The following ESR1 variants were observed in gnomAD, a reference collection of about 807,000 sequenced individuals.
ESR1 encodes estrogen receptor.
In ESR1, 12 loss-of-function variants were observed where a neutral mutation model predicts 52.7. That is an observed-to-expected ratio of 0.23 (90% CI 0.15 to 0.37). ESR1 has a LOEUF of 0.37. Ranked by LOEUF, ESR1 falls within the 10% of genes least tolerant of loss-of-function variation. The pLI is 1.00. For missense variants in ESR1, 584 were observed against 779.7 expected (o/e 0.75, Z 2.99); for synonymous variants, 305 against 316.8 (o/e 0.96, Z 0.39).
At chr6:151,862,412 C>T (rs1479162040) in intron 2 of ESR1, among the ~76,000 whole-genome samples, 1 of 152,084 alleles carries the variant, frequency 6.6e-6, no homozygotes, top group Non-Finnish European at 1.5e-5. Flanking sequence ...TGGAGTTAGT[C>T]CTGGTTGCCA....
intron 2 of ESR1, among the ~76,000 whole-genome samples, chr6:151,774,592 T>C (rs971469206): frequency 3.3e-5 from 5 of 152,224 alleles, no homozygotes; most frequent in African/African-American, 1.2e-4. Flanking sequence ...TGTTATTGCT[T>C]TTGTCCACCA....
intron 4 of ESR1, among the ~76,000 whole-genome samples, chr6:152,000,092 C>G (rs1002861969): frequency 1.1e-4 from 16 of 151,948 alleles, no homozygotes; most frequent in Non-Finnish European, 2.2e-4. Flanking sequence ...TTGTTGACCA[C>G]CCATATTTTC....
chr6:151,978,330 T>A (rs1421912570), intron 4 of ESR1, among the ~76,000 whole-genome samples: 1 of 152,088 alleles, frequency 6.6e-6, no homozygotes, highest in African/African-American at 2.4e-5. Flanking sequence ...AGAATTAAGC[T>A]TAGGGAGATA....
chr6:152,125,227 A>G, intron 6 of ESR1: 8 of 1,545,856 alleles, frequency 5.2e-6, no homozygotes, highest in Non-Finnish European at 5.2e-6. Flanking sequence ...GGTGATAGGA[A>G]TAATGGTAAT....
intron 1 of ESR1, among the ~76,000 whole-genome samples, chr6:151,693,995 C>T (rs55938739): frequency 2.8e-4 from 43 of 152,272 alleles, no homozygotes; most frequent in Non-Finnish European, 4.9e-4. Flanking sequence ...AACATATGTC[C>T]ACGAGGTGGT....
Position 152,099,166 on chromosome 6 carries a change from G to A in ESR1, c.*200G>A, listed in dbSNP as rs573024831. 3.3e-6 allele frequency: 2 copies of A among 615,050 alleles called. No homozygotes were observed. Among genetic ancestry groups the A allele is most frequent in the African/African-American group, 3.6e-5 (2 of 54,918 alleles). 38.1% of individuals were successfully genotyped at this position (615,050 alleles called of 1,614,324 possible). A position where few individuals can be genotyped will look rare whatever the true frequency, so the allele number is the denominator to read the frequency against. On this transcript the variant is annotated 3_prime_UTR_variant, in exon 8 of 8. Coordinates refer to ENST00000206249, the MANE Select transcript of ESR1 (RefSeq NM_000125.4). ...GTCTTCTGTTGGGAACAGCCAAAGG[G>A]ATTCCAAGGCTAAATCTTTGTAACA...
At chr6:151,778,124 C>T (rs1786189193) in intron 2 of ESR1, among the ~76,000 whole-genome samples, 1 of 152,116 alleles carries the variant, frequency 6.6e-6, no homozygotes, top group South Asian at 2.1e-4. Flanking sequence ...CACGACAGTC[C>T]TTGTTCTCAA....
At chr6:151,791,422 C>A (rs1033497108) in intron 2 of ESR1, among the ~76,000 whole-genome samples, 1 of 152,210 alleles carries the variant, frequency 6.6e-6, no homozygotes, top group African/African-American at 2.4e-5. Flanking sequence ...CCTTTGTCTT[C>A]TGCCATGATT....
intron 6 of ESR1, among the ~76,000 whole-genome samples, chr6:152,110,243 T>C (rs982065207): frequency 9.2e-5 from 14 of 152,220 alleles, no homozygotes; most frequent in African/African-American, 3.4e-4. Flanking sequence ...TATGGAATTT[T>C]ACTCAAGGAC....
At chr6:151,943,430 G>A in intron 3 of ESR1, among the ~76,000 whole-genome samples, 1 of 151,534 alleles carries the variant, frequency 6.6e-6, no homozygotes, top group Non-Finnish European at 1.5e-5. Flanking sequence ...CCTTTGGGGG[G>A]AAATTATCAA....
At chr6:151,935,531 G>T (rs1390311041) in intron 3 of ESR1, among the ~76,000 whole-genome samples, 1 of 152,154 alleles carries the variant, frequency 6.6e-6, no homozygotes, top group Non-Finnish European at 1.5e-5. Flanking sequence ...ATGCAGGTGG[G>T]GCCCAGGTCA....
intron 5 of ESR1, among the ~76,000 whole-genome samples, chr6:152,056,942 T>C (rs1458709263): frequency 6.6e-6 from 1 of 152,202 alleles, no homozygotes; most frequent in Non-Finnish European, 1.5e-5. Flanking sequence ...TCTTGTCTTT[T>C]ACAGTCATGT....
In ESR1 at chr6:151,669,105, C is replaced by T. The variant is rs558626671; in HGVS notation, n.73+12342C>T. On this transcript the variant is annotated intron_variant and non_coding_transcript_variant, in intron 1 of 2. Transcript: ENST00000473497. ...CAAGCTGTTGGCCAGAGCCGTGCTTCGGGGCGACTCACAACAGTGGTAGGA... is the reference window on the plus strand; with the variant it reads ...CAAGCTGTTGGCCAGAGCCGTGCTTTGGGGCGACTCACAACAGTGGTAGGA... Among the ~76,000 whole-genome samples the T allele has an allele frequency of 1.0e-4, 13 of 128,532 alleles. No homozygotes were observed. In the South Asian group the frequency reaches 1.6e-3, roughly 16 times the overall value. The allele number at this position is 128,532 out of a possible 152,430, so 84.3% of individuals were successfully genotyped here. A position where few individuals can be genotyped will look rare whatever the true frequency, so the allele number is the denominator to read the frequency against.
Position 151,884,731 on chromosome 6 carries a change from TC to T in ESR1, c.760+3961del, listed in dbSNP as rs1166864342. Among the ~76,000 whole-genome samples the T allele has an allele frequency of 4.6e-5, 7 of 152,334 alleles. No homozygotes were observed. In the South Asian group the frequency reaches 6.2e-4, roughly 14 times the overall value. On this transcript the variant is annotated intron_variant, in intron 3 of 7. Coordinates refer to ENST00000206249, the MANE Select transcript of ESR1 (RefSeq NM_000125.4). ...AAGATGCAGGATTTGAATTGCACTT[TC>T]GGGAATGTGCTTTTCTATCCTAGTA...
Position 151,944,147 on chromosome 6 carries a change from A to AT in ESR1, c.761-17dup, listed in dbSNP as rs55740371. 0.61 allele frequency: 940,138 copies of AT among 1,535,888 alleles called. 291,583 individuals carry two copies. The highest frequency in any genetic ancestry group is 0.66 in the Non-Finnish European group (733,468 of 1,111,922). On this transcript the variant is annotated intron_variant, in intron 3 of 7. Coordinates refer to ENST00000206249, the MANE Select transcript of ESR1 (RefSeq NM_000125.4). Reference sequence around the variant, plus strand: ...GTTTACACGGGAAAAAAATAAACTAATTTTTTTTTCCACCTGTGTTTTCAG... The same window carrying AT: ...GTTTACACGGGAAAAAAATAAACTAATTTTTTTTTTCCACCTGTGTTTTCAG...
chr6:151,922,439 A>G (rs2031879670), intron 3 of ESR1, among the ~76,000 whole-genome samples: 1 of 152,232 alleles, frequency 6.6e-6, no homozygotes, highest in Non-Finnish European at 1.5e-5. Context: ...TAATTTATTT[A>G]GTCAACAATT....
At chr6:152,009,982 C>T (rs372260599) in intron 4 of ESR1, among the ~76,000 whole-genome samples, 3 of 151,946 alleles carry the variant, frequency 2.0e-5, no homozygotes, top group South Asian at 4.1e-4. Flanking sequence ...AGAAGTCAGA[C>T]AAAAAGGTAA....
intron 3 of ESR1, among the ~76,000 whole-genome samples, chr6:151,941,854 C>T (rs1315070758): frequency 6.6e-6 from 1 of 152,218 alleles, no homozygotes; most frequent in South Asian, 2.1e-4. Context: ...CCTTTGGGCT[C>T]ATAAAGAACA....
chr6:151,924,545 A>G (rs2032331998), intron 3 of ESR1, among the ~76,000 whole-genome samples: 1 of 152,054 alleles, frequency 6.6e-6, no homozygotes, highest in Non-Finnish European at 1.5e-5. Flanking sequence ...GGTACTAAGC[A>G]TAGTTCTTGA....
Sources: gnomAD v4.1 joint callset for allele counts (sites outside exome capture counted in the v4.1 genomes callset) on GRCh38, gnomAD v4.1.1 for gene constraint, MANE v1.5 for transcripts, NCBI Gene and HGNC (gene_info 2026-07-23, HGNC 2026-07-21) for gene names.